The following MEAF6 variants were observed in gnomAD, a reference collection of about 807,000 sequenced individuals.
MEAF6 encodes MYST/Esa1 associated factor 6.
A neutral mutation model predicts 28.9 loss-of-function variants in MEAF6; 15 were observed. The observed-to-expected ratio is 0.52, with a 90% CI of 0.35 to 0.80. The LOEUF (loss-of-function observed/expected upper bound fraction) is 0.80, where lower values mean the gene tolerates loss of function less well. MEAF6 is among the 30% of genes least tolerant of loss of function. The probability of loss-of-function intolerance (pLI) is 0.01; values close to 1 mark genes in which losing one functional copy is unlikely to be tolerated. For missense variants in MEAF6, 178 were observed against 237.5 expected (o/e 0.75, Z 1.65); for synonymous variants, 97 against 88.7 (o/e 1.09, Z -0.53).
intron 4 of MEAF6, among the ~76,000 whole-genome samples, chr1:37,506,338 T>C (rs1403009078): frequency 6.6e-6 from 1 of 151,852 alleles, no homozygotes; most frequent in Admixed American, 6.6e-5. Flanking sequence ...AAAAAGAAAA[T>C]CTAACAAAAA....
intron 2 of MEAF6, among the ~76,000 whole-genome samples, chr1:37,512,914 G>A (rs1642714509): frequency 6.6e-6 from 1 of 152,078 alleles, no homozygotes; most frequent in African/African-American, 2.4e-5. Context: ...AAAGTGGCCA[G>A]GCGTGGTGGC....
At position 37,493,511 on chromosome 1, in the gene MEAF6, G is replaced by T; in HGVS notation, c.*588C>A. 2.1e-6 allele frequency: 1 copy of T among 487,710 alleles called. No individual in the cohort carries two copies. 30.2% of individuals were successfully genotyped at this position (487,710 alleles called of 1,614,324 possible). On this transcript the variant is annotated 3_prime_UTR_variant, in exon 7 of 7. Transcript: ENST00000296214. ...GAGGCAAGTTTCCCATTTTACTTAT[G>T]ATAAACCAGATTATTTTCAGTTATG...
chr1:37,501,597 G>C (rs1642305433), intron 5 of MEAF6: 1 of 425,450 alleles, frequency 2.4e-6, no homozygotes, highest in Non-Finnish European at 4.2e-6. Flanking sequence ...ACAGTGAGAA[G>C]AATGTCCTGG....
At position 37,493,149 on chromosome 1, in the gene MEAF6, A is replaced by G. The variant is rs1641994899; in HGVS notation, c.*950T>C. On this transcript the variant is annotated 3_prime_UTR_variant, in exon 7 of 7. Coordinates refer to ENST00000296214, the MANE Select transcript of MEAF6 (RefSeq NM_001270875.3). ...AACGACATAAGTTATCACTTTTGGTATAATTTTGAGACTTTCCATATGCCA... is the reference window on the plus strand; with the variant it reads ...AACGACATAAGTTATCACTTTTGGTGTAATTTTGAGACTTTCCATATGCCA... 1 of 152,252 alleles carries G rather than the reference A, an allele frequency of 6.6e-6. No individual in the cohort carries two copies. The highest frequency in any genetic ancestry group is 1.5e-5 in the Non-Finnish European group (1 of 68,072). 9.4% of individuals were successfully genotyped at this position (152,252 alleles called of 1,614,324 possible). A position where few individuals can be genotyped will look rare whatever the true frequency, so the allele number is the denominator to read the frequency against.
intron 5 of MEAF6, chr1:37,496,692 T>A: frequency 6.3e-7 from 1 of 1,593,632 alleles, no homozygotes; most frequent in Non-Finnish European, 8.6e-7. Flanking sequence ...AAATACTAAT[T>A]CAAATCAAAC....
intron 2 of MEAF6, among the ~76,000 whole-genome samples, chr1:37,512,856 C>T (rs1458263036): frequency 1.3e-5 from 2 of 152,086 alleles, no homozygotes; most frequent in Non-Finnish European, 2.9e-5. Flanking sequence ...CGTGCTACTG[C>T]ACTCCAGCCT....
intron 4 of MEAF6, among the ~76,000 whole-genome samples, chr1:37,508,914 T>G (rs1042653235): frequency 2.0e-5 from 3 of 152,162 alleles, no homozygotes; most frequent in Admixed American, 6.5e-5. Flanking sequence ...CTGGGCAACA[T>G]AGTGAGACTC....
At chr1:37,506,631 C>G (rs1363760283) in intron 4 of MEAF6, among the ~76,000 whole-genome samples, 1 of 152,144 alleles carries the variant, frequency 6.6e-6, no homozygotes, top group Non-Finnish European at 1.5e-5. Flanking sequence ...GATCCTCTCA[C>G]CTCGGCCTCC....
intron 6 of MEAF6, 47 bp from the exon 7 acceptor site, chr1:37,494,154 T>C: frequency 6.5e-7 from 1 of 1,545,906 alleles, no homozygotes; most frequent in Non-Finnish European, 8.9e-7. Flanking sequence ...GGCAGAACAG[T>C]TGTTTGACCC....
intron 5 of MEAF6, 91 bp from the exon 6 acceptor site, chr1:37,496,009 A>G: frequency 9.4e-7 from 1 of 1,063,396 alleles, no homozygotes; most frequent in African/African-American, 1.6e-5. Context: ...AGCTATAACA[A>G]AGACTATTTG....
chr1:37,509,408 T>C (rs879140688), intron 3 of MEAF6, 47 bp downstream of exon 3: 3 of 1,608,884 alleles, frequency 1.9e-6, no homozygotes, highest in South Asian at 2.2e-5. Flanking sequence ...AAAAACACAT[T>C]CCCCAACAAC....
chr1:37,510,539 G>A (rs1642635426), intron 2 of MEAF6, among the ~76,000 whole-genome samples: 1 of 151,060 alleles, frequency 6.6e-6, no homozygotes, highest in Non-Finnish European at 1.5e-5. Context: ...ACCCCACCAT[G>A]CCCGGCTAAT....
intron 4 of MEAF6, among the ~76,000 whole-genome samples, chr1:37,502,585 T>C (rs554537737): frequency 7.3e-5 from 11 of 151,598 alleles, no homozygotes; most frequent in Admixed American, 5.3e-4. Flanking sequence ...GTTTAACCTT[T>C]AAGCTCTGTT....
intron 5 of MEAF6, among the ~76,000 whole-genome samples, chr1:37,498,340 A>G (rs935043197): frequency 1.3e-5 from 2 of 152,066 alleles, no homozygotes; most frequent in African/African-American, 4.8e-5. Context: ...CTAGTTAATC[A>G]AAACTTTACA....
At chr1:37,504,347 T>C (rs542103846) in intron 4 of MEAF6, among the ~76,000 whole-genome samples, 33 of 152,346 alleles carry the variant, frequency 2.2e-4, no homozygotes, top group Non-Finnish European at 4.6e-4. Context: ...AACAGATTAA[T>C]ACAGGTATAT....
At chr1:37,498,919 C>T (rs964081367) in intron 5 of MEAF6, among the ~76,000 whole-genome samples, 2 of 151,788 alleles carry the variant, frequency 1.3e-5, no homozygotes, top group Admixed American at 6.6e-5. Flanking sequence ...TTTGGGAGGC[C>T]GAGGCAGGAG....
At chr1:37,513,969 C>T in intron 1 of MEAF6, 1 of 198,874 alleles carries the variant, frequency 5.0e-6, no homozygotes, top group Non-Finnish European at 1.0e-5. Context: ...CACCGGGCTG[C>T]CAGTTGCTAT....
Position 37,493,939 on chromosome 1 carries a change from T to C in MEAF6, c.*160A>G, listed in dbSNP as rs1642027778. 6.3e-7 allele frequency: 1 copy of C among 1,576,724 alleles called. No homozygotes were observed. On this transcript the variant is annotated 3_prime_UTR_variant, in exon 7 of 7. Transcript: ENST00000296214. The stretch of plus-strand genomic sequence containing the variant: ...CAATGTCTTACAGAAATGACTTGTT[T>C]GTCACCACATTTAGAACAAACTACT...
intron 5 of MEAF6, chr1:37,496,547 C>T (rs1467522079): frequency 1.4e-6 from 2 of 1,402,198 alleles, no homozygotes; most frequent in Non-Finnish European, 9.4e-7. Context: ...AAAATGTTAC[C>T]TCCATCACGT....
Sources: gnomAD v4.1 joint callset for allele counts (sites outside exome capture counted in the v4.1 genomes callset) on GRCh38, gnomAD v4.1.1 for gene constraint, MANE v1.5 for transcripts, NCBI Gene and HGNC (gene_info 2026-07-23, HGNC 2026-07-21) for gene names.